The following CADM1 variants were observed in gnomAD, a reference collection of about 807,000 sequenced individuals.
CADM1 encodes cell adhesion molecule 1.
CADM1 carries 15 observed loss-of-function variants against 53.1 expected under a neutral mutation model. The observed-to-expected ratio is 0.28, with a 90% CI of 0.19 to 0.44. The LOEUF is 0.44. Among genes scored for constraint, CADM1 ranks in the 20% least tolerant of loss-of-function variants. CADM1 has a pLI of 1.00. For synonymous variants in CADM1, 281 were observed against 243.0 expected (o/e 1.16, Z -1.45); for missense variants, 434 against 611.3 (o/e 0.71, Z 3.06).
intron 7 of CADM1, among the ~76,000 whole-genome samples, chr11:115,210,800 A>T (rs1940922657): frequency 6.6e-6 from 1 of 152,196 alleles, no homozygotes; most frequent in African/African-American, 2.4e-5. Context: ...GTTTATAGAA[A>T]TATTATTTTG....
At chr11:115,373,951 G>A (rs114190029) in intron 1 of CADM1, among the ~76,000 whole-genome samples, 1,611 of 152,238 alleles carry the variant, frequency 0.011, 24 homozygotes, top group African/African-American at 0.036. Context: ...AGTCAAAATG[G>A]AGTCCTTATA....
intron 1 of CADM1, among the ~76,000 whole-genome samples, chr11:115,254,328 T>G (rs906661756): frequency 2.6e-5 from 4 of 152,180 alleles, no homozygotes; most frequent in Non-Finnish European, 4.4e-5. Flanking sequence ...TTAAGTATCA[T>G]CCATATCTCA....
intron 1 of CADM1, among the ~76,000 whole-genome samples, chr11:115,344,010 G>A (rs1026266464): frequency 1.3e-5 from 2 of 152,076 alleles, no homozygotes; most frequent in Non-Finnish European, 2.9e-5. Flanking sequence ...ATAGAGTATC[G>A]TGGAGCTTTG....
rs1024272176 is a variant in CADM1 at position 115,232,842 on chromosome 11, C to T, written c.425-1352G>A. Among the ~76,000 whole-genome samples, 7 of 151,936 alleles carry T rather than the reference C, an allele frequency of 4.6e-5. No individual in the cohort carries two copies. In the East Asian group the frequency reaches 5.8e-4, roughly 13 times the overall value. On this transcript the variant is annotated intron_variant, in intron 3 of 11. Coordinates refer to ENST00000331581, the MANE Select transcript of CADM1 (RefSeq NM_001301043.2). ...CACCATGAATAAGCAAAGACAGTTC[C>T]GAGACTTATGATTAATAAGTTTCTC... is the stretch of plus-strand genomic sequence containing the variant.
intron 1 of CADM1, among the ~76,000 whole-genome samples, chr11:115,391,682 C>T (rs761210246): frequency 2.6e-4 from 40 of 152,164 alleles, no homozygotes; most frequent in Non-Finnish European, 3.2e-4. Context: ...TTATTTCTCA[C>T]CAGGTGGTGA....
At chr11:115,404,343 AAAAATATATATAT>A (rs1481074678) in intron 1 of CADM1, among the ~76,000 whole-genome samples, 9 of 39,882 alleles carry the variant, frequency 2.3e-4, no homozygotes, top group African/African-American at 6.5e-4. Context: ...AAAAAAAAAA[AAAAATATATATAT>A]ATATATATAT....
chr11:115,261,424 A>G (rs1435098271), intron 1 of CADM1, among the ~76,000 whole-genome samples: 2 of 152,178 alleles, frequency 1.3e-5, no homozygotes, highest in East Asian at 1.9e-4. Context: ...AAAATTATAT[A>G]GTCATGGTAG....
Position 115,299,123 on chromosome 11 carries a change from G to C in CADM1, c.125-58703C>G, listed in dbSNP as rs557871308. On this transcript the variant is annotated intron_variant, in intron 1 of 11. Transcript: ENST00000331581. ...AAAAAAATATTTTCAATTTAGAACT[G>C]GAAGGAAACATGAAAGACTGGGCCT... Among the ~76,000 whole-genome samples the C allele has an allele frequency of 3.7e-4, 56 of 152,130 alleles. 1 individual carries two copies. The highest frequency in any genetic ancestry group is 4.6e-4 in the Non-Finnish European group (31 of 68,020).
In CADM1 at chr11:115,504,382, C is replaced by G. The variant is rs112835318; in HGVS notation, c.13G>C (p.Val5Leu). The change falls in exon 1 of 12, where the codon GTG becomes CTG. Residue 5 changes from valine to leucine, a missense_variant. Coordinates refer to ENST00000331581, the MANE Select transcript of CADM1 (RefSeq NM_001301043.2). MASVVLPSGSQCAAA... is the reference protein window; with the variant it reads MASVLLPSGSQCAAA... ...GCACACTGGGATCCGCTCGGCAGCA[C>G]TACACTCGCCATGTCGGGCACCTGC... 0.051 allele frequency: 79,513 copies of G among 1,546,898 alleles called. 2,364 individuals carry two copies. The highest frequency in any genetic ancestry group is 0.07 in the Middle Eastern group (366 of 5,240).
Position 115,232,013 on chromosome 11 carries a change from T to TAATAAC in CADM1, c.425-524_425-523insGTTATT, listed in dbSNP as rs576888198. Among the ~76,000 whole-genome samples, 286 of 146,966 alleles carry TAATAAC rather than the reference T, an allele frequency of 1.9e-3. 1 individual carries two copies. Among genetic ancestry groups the TAATAAC allele is most frequent in the Middle Eastern group, 0.014 (4 of 278 alleles). On this transcript the variant is annotated intron_variant, in intron 3 of 11. Transcript: ENST00000331581. Reference sequence around the variant, plus strand: ...ATAATAATAATAATAATAATAATAATAACAACAACAACAACAACAACCAAT... The same window carrying TAATAAC: ...ATAATAATAATAATAATAATAATAATAATAACAACAACAACAACAACAACAACCAAT...
intron 1 of CADM1, among the ~76,000 whole-genome samples, chr11:115,338,721 T>C (rs1945332282): frequency 6.6e-6 from 1 of 152,046 alleles, no homozygotes; most frequent in Admixed American, 6.6e-5. Context: ...GGCAATTACA[T>C]CTCACACTGC....
In CADM1 at chr11:115,173,695, T is replaced by C. The variant is rs1938883523; in HGVS notation, c.*2779A>G. The C allele has an allele frequency of 3.2e-6, 2 of 633,030 alleles. No homozygotes were observed. The highest frequency in any genetic ancestry group is 3.9e-6 in the Non-Finnish European group (2 of 507,864). 39.2% of individuals were successfully genotyped at this position (633,030 alleles called of 1,614,324 possible). On this transcript the variant is annotated 3_prime_UTR_variant, in exon 12 of 12. Coordinates refer to ENST00000331581, the MANE Select transcript of CADM1 (RefSeq NM_001301043.2). ...TATAGTACTTCTTTTTTTTCTTTTTTTTTTTGTAAAAATGGTATACATGAA... is the reference window on the plus strand; with the variant it reads ...TATAGTACTTCTTTTTTTTCTTTTTCTTTTTGTAAAAATGGTATACATGAA...
chr11:115,208,636 A>T (rs1940809193), intron 8 of CADM1, among the ~76,000 whole-genome samples: 1 of 152,158 alleles, frequency 6.6e-6, no homozygotes, highest in South Asian at 2.1e-4. Flanking sequence ...TTCAAGAGAT[A>T]TTTTTTTCTC....
At chr11:115,405,739 T>C (rs529448253) in intron 1 of CADM1, among the ~76,000 whole-genome samples, 18 of 152,334 alleles carry the variant, frequency 1.2e-4, no homozygotes, top group African/African-American at 3.8e-4. Context: ...ATAACAGCAT[T>C]TATATCATTA....
intron 7 of CADM1, among the ~76,000 whole-genome samples, chr11:115,211,658 T>A (rs1940970857): frequency 6.7e-6 from 1 of 150,352 alleles, no homozygotes; most frequent in Admixed American, 6.6e-5. Flanking sequence ...TTTTGTATTT[T>A]TTTTTTTTTT....
At chr11:115,307,156 G>T (rs893926685) in intron 1 of CADM1, among the ~76,000 whole-genome samples, 14 of 151,850 alleles carry the variant, frequency 9.2e-5, no homozygotes, top group African/African-American at 3.4e-4. Flanking sequence ...TTCCATATTT[G>T]AGGGCAAACT....
intron 1 of CADM1, among the ~76,000 whole-genome samples, chr11:115,465,671 A>G (rs970990776): frequency 2.6e-5 from 4 of 152,198 alleles, no homozygotes; most frequent in African/African-American, 9.6e-5. Context: ...AAAGTCGCAC[A>G]GTCGATATCA....
At chr11:115,306,120 T>C (rs986394432) in intron 1 of CADM1, among the ~76,000 whole-genome samples, 9 of 30,838 alleles carry the variant, frequency 2.9e-4, no homozygotes, top group Admixed American at 1.5e-3. Flanking sequence ...TCATGTGCCA[T>C]ATAACAATGT....
intron 1 of CADM1, among the ~76,000 whole-genome samples, chr11:115,483,189 G>C (rs1275119727): frequency 6.6e-6 from 1 of 152,146 alleles, no homozygotes; most frequent in Non-Finnish European, 1.5e-5. Context: ...AAAAAGATTA[G>C]GTGAAGCAAT....
Sources: allele counts gnomAD v4.1 joint callset (sites outside exome capture counted in the v4.1 genomes callset), GRCh38; gene constraint gnomAD v4.1.1; transcripts MANE v1.5; gene names NCBI Gene and HGNC (gene_info 2026-07-23, HGNC 2026-07-21).